Variants in COL12A1 observed in about 807,000 individuals in gnomAD.
The protein encoded by COL12A1 is collagen alpha-1(XII) chain.
In COL12A1, 114 loss-of-function variants were observed where a neutral mutation model predicts 349.7. That is an observed-to-expected ratio of 0.33 (90% confidence interval 0.28 to 0.38). The LOEUF (loss-of-function observed/expected upper bound fraction) is 0.38, where lower values mean the gene tolerates loss of function less well. Among genes scored for constraint, COL12A1 ranks in the 10% least tolerant of loss-of-function variants. The probability of loss-of-function intolerance (pLI) is 1.00; values close to 1 mark genes in which losing one functional copy is unlikely to be tolerated. For missense variants in COL12A1, 3,284 were observed against 3,756.9 expected (o/e 0.87, Z 3.29); for synonymous variants, 1,369 against 1,329.0 (o/e 1.03, Z -0.66).
chr6:75,183,170 G>A lies in COL12A1; in HGVS notation c.1771C>T (p.Pro591Ser), dbSNP rs760744477. The A allele has an allele frequency of 1.2e-6, 2 of 1,614,090 alleles. No homozygotes were observed. Among genetic ancestry groups the A allele is most frequent in the East Asian group, 2.2e-5 (1 of 44,876 alleles). Residue 591 changes from proline (P) to serine (S), a missense_variant, in exon 10 of 66, where the codon CCT becomes TCT. Pro to Ser is a moderately conservative substitution (Grantham distance 74). Coordinates refer to ENST00000322507, the MANE Select transcript of COL12A1 (RefSeq NM_004370.6). ...RSELEAIASPPAETHVFTVED... is the reference protein window; with the variant it reads ...RSELEAIASPSAETHVFTVED... ...ACTGTGAACACATGGGTCTCTGCAG[G>A]AGGAGAGGCAATAGCTTCCAATTCT... is the stretch of plus-strand genomic sequence containing the variant.
intron 2 of COL12A1, among the ~76,000 whole-genome samples, chr6:75,197,061 C>T (rs532312319): frequency 5.9e-5 from 9 of 152,008 alleles, no homozygotes; most frequent in Non-Finnish European, 8.8e-5. Context: ...TTCTTCTGGC[C>T]GATTTTATTG....
intron 10 of COL12A1, among the ~76,000 whole-genome samples, chr6:75,182,038 G>A (rs116161153): frequency 0.013 from 1,889 of 148,688 alleles, 40 homozygotes; most frequent in African/African-American, 0.045. Context: ...AGATATTGCA[G>A]TGAGCATAGA....
chr6:75,165,845 AT>A, intron 13 of COL12A1, 66 bp from the exon 14 acceptor site: 1 of 1,467,996 alleles, frequency 6.8e-7, no homozygotes, highest in Non-Finnish European at 9.3e-7. Context: ...TATTATATTC[AT>A]TGATCCTGGT....
At chr6:75,174,574 G>A (rs751803888) in intron 13 of COL12A1, among the ~76,000 whole-genome samples, 1 of 151,946 alleles carries the variant, frequency 6.6e-6, no homozygotes, top group African/African-American at 2.4e-5. Flanking sequence ...AAAGAAACTT[G>A]GATTCTTATA....
chr6:75,147,571 T>C, intron 23 of COL12A1, 104 bp downstream of exon 23: 1 of 1,122,410 alleles, frequency 8.9e-7, no homozygotes, highest in Non-Finnish European at 1.3e-6. Context: ...ATTTATAGAA[T>C]GAATGTTAAA....
intron 54 of COL12A1, 144 bp from the exon 55 acceptor site, chr6:75,103,954 G>A: frequency 1.8e-6 from 1 of 557,162 alleles, no homozygotes; most frequent in Non-Finnish European, 3.2e-6. Context: ...AATATTTCAT[G>A]TCATACAAAT....
At chr6:75,150,046 G>A (rs1467187137) in intron 21 of COL12A1, among the ~76,000 whole-genome samples, 2 of 152,050 alleles carry the variant, frequency 1.3e-5, no homozygotes, top group Non-Finnish European at 2.9e-5. Context: ...AAAGCCAAGA[G>A]GGAACATTCA....
At chr6:75,143,450 C>T (rs1389716052) in intron 25 of COL12A1, 62 bp from the exon 26 acceptor site, 15 of 1,556,874 alleles carry the variant, frequency 9.6e-6, no homozygotes, top group Middle Eastern at 1.7e-4. Flanking sequence ...CCAAAGCATC[C>T]ATGCAAGCTT....
chr6:75,134,953 C>T, intron 31 of COL12A1, 98 bp from the exon 32 acceptor site: 4 of 1,310,570 alleles, frequency 3.1e-6, no homozygotes, highest in Non-Finnish European at 1.0e-6. Context: ...GTTTGAGACC[C>T]TTGTCAAGTT....
chr6:75,125,053 G>A (rs1010995853), intron 40 of COL12A1, 74 bp downstream of exon 40: 1 of 1,408,560 alleles, frequency 7.1e-7, no homozygotes, highest in African/African-American at 1.4e-5. Context: ...TTCAGAAACA[G>A]GAAATTAAAA....
intron 13 of COL12A1, among the ~76,000 whole-genome samples, chr6:75,171,180 TA>T (rs1333763381): frequency 1.3e-5 from 2 of 152,230 alleles, no homozygotes; most frequent in African/African-American, 4.8e-5. Flanking sequence ...AGGGTTGTTG[TA>T]ATTACATTGT....
At chr6:75,094,487 G>A (rs1238225964) in intron 60 of COL12A1, among the ~76,000 whole-genome samples, 3 of 151,964 alleles carry the variant, frequency 2.0e-5, no homozygotes, top group Non-Finnish European at 4.4e-5. Context: ...ATTCAGTTTT[G>A]GAGATACTAA....
rs189842215 is a variant in COL12A1, at chr6:75,175,837, G to A, written c.2438-527C>T. Among the ~76,000 whole-genome samples the A allele has an allele frequency of 7.8e-3, 1,183 of 152,300 alleles. 6 individuals are homozygous for A. Among genetic ancestry groups the A allele is most frequent in the South Asian group, 0.014 (69 of 4,820 alleles). ...AGAGAAAAAACAGCTAAGTGAGACC[G>A]AGCCTTGGGTACAAATCCCGAGGGA... On this transcript the variant is annotated intron_variant, in intron 12 of 65. Coordinates refer to ENST00000322507, the MANE Select transcript of COL12A1 (RefSeq NM_004370.6).
At chr6:75,148,286 T>C in intron 22 of COL12A1, 72 bp downstream of exon 22, 2 of 1,458,330 alleles carry the variant, frequency 1.4e-6, no homozygotes, top group Non-Finnish European at 1.9e-6. Context: ...CCTAACATTA[T>C]TCTCAGAGTC....
chr6:75,204,104 C>T (rs1286814919), intron 1 of COL12A1, among the ~76,000 whole-genome samples: 3 of 152,130 alleles, frequency 2.0e-5, no homozygotes, highest in South Asian at 2.1e-4. Flanking sequence ...TTTTATGAAG[C>T]CAAGATTAAA....
Position 75,130,167 on chromosome 6 carries a change from CAGGCTACCGAG to C in COL12A1, c.6123_6133del (p.Ser2042GlyfsTer4). ...CTGAACTGGCCCATCAGCATGATCC[CAGGCTACCGAG>C]AGGCTATTGGTTGTTTCACCAAAGA... On this transcript the variant is annotated frameshift_variant, in exon 37 of 66. Transcript: ENST00000322507. LOFTEE classifies it high-confidence loss of function. The C allele has an allele frequency of 1.2e-6, 2 of 1,614,080 alleles. No homozygotes were observed. The highest frequency in any genetic ancestry group is 1.7e-6 in the Non-Finnish European group (2 of 1,179,966).
rs1177841747 is a variant in COL12A1, at chr6:75,090,261, A to T, written c.8790T>A (p.Ile2930=). 6.2e-7 allele frequency: 1 copy of T among 1,613,268 alleles called. No homozygotes were observed. Among genetic ancestry groups the T allele is most frequent in the Non-Finnish European group, 8.5e-7 (1 of 1,179,442 alleles). Residue 2930 remains isoleucine (I), a synonymous_variant, in exon 63 of 66, where the codon ATT becomes ATA. Coordinates refer to ENST00000322507, the MANE Select transcript of COL12A1 (RefSeq NM_004370.6). The surrounding 1 kb of genome is among the most constrained non-coding windows in gnomAD (Gnocchi z 4.1). The part of the protein sequence containing the change: ...MNRFNQMLNQ[I]PNDYQSSRNQ... ...TGCGACTGGACTGGTAATCATTTGG[A>T]ATCTGATTCAGCATCTGATTGAATC...
Position 75,123,805 on chromosome 6 carries a change from C to T in COL12A1, c.6871+143G>A, listed in dbSNP as rs1765865101. 3.3e-6 allele frequency: 3 copies of T among 908,380 alleles called. No individual in the cohort carries two copies. The South Asian group carries it at 6.6e-5, about 20-fold the overall frequency. 56.3% of individuals were successfully genotyped at this position (908,380 alleles called of 1,614,324 possible). A position where few individuals can be genotyped will look rare whatever the true frequency, so the allele number is the denominator to read the frequency against. ...AAGGTCCTGAACCAGCTTTAGACTC[C>T]ACATTCAGGAATCTGCCATCATCCC... On this transcript the variant is annotated intron_variant, in intron 42 of 65. Coordinates refer to ENST00000322507, the MANE Select transcript of COL12A1 (RefSeq NM_004370.6).
At chr6:75,129,273 T>G (rs555818858) in intron 37 of COL12A1, among the ~76,000 whole-genome samples, 1 of 152,304 alleles carries the variant, frequency 6.6e-6, no homozygotes, top group East Asian at 1.9e-4. Flanking sequence ...AATAGGGACT[T>G]GAATTAAAGG....
Sources: gnomAD v4.1 joint callset for allele counts (sites outside exome capture counted in the v4.1 genomes callset) on GRCh38, gnomAD v4.1.1 for gene constraint, Gnocchi (gnomAD v3.1) non-coding constraint, MANE v1.5 for transcripts, NCBI Gene and HGNC (gene_info 2026-07-23, HGNC 2026-07-21) for gene names.